PHACTR1: variants seen among roughly 807,000 people sequenced by gnomAD.
PHACTR1 encodes RPEL repeat containing 1.
PHACTR1 carries 16 observed loss-of-function variants against 69.2 expected under a neutral mutation model. That is an observed-to-expected ratio of 0.23 (90% CI 0.16 to 0.35). PHACTR1 has a LOEUF of 0.35. PHACTR1 is among the 10% of genes least tolerant of loss of function. The pLI is 1.00. For missense variants in PHACTR1, 510 were observed against 734.7 expected, an observed-to-expected ratio of 0.69 and a Z score of 3.54; for synonymous variants, 312 against 284.5, an observed-to-expected ratio of 1.10 and a Z score of -0.97.
intron 4 of PHACTR1, among the ~76,000 whole-genome samples, chr6:12,869,904 G>A (rs758795014): frequency 6.6e-6 from 1 of 152,144 alleles, no homozygotes; most frequent in Non-Finnish European, 1.5e-5. Context: ...TAGTTCCTGA[G>A]CTCTTACTCT....
In PHACTR1 at chr6:13,114,131, C is replaced by T. The variant is rs191942958; in HGVS notation, c.416-46073C>T. Reference sequence around the variant, plus strand: ...GGCTTCCCTGCCCCCCATTTCCCAGCCTCCCAGAAGCAGACTCGCTCTGAT... The same window carrying T: ...GGCTTCCCTGCCCCCCATTTCCCAGTCTCCCAGAAGCAGACTCGCTCTGAT... On this transcript the variant is annotated intron_variant, in intron 5 of 14. Coordinates refer to ENST00000332995, the MANE Select transcript of PHACTR1 (RefSeq NM_030948.6). Among the ~76,000 whole-genome samples, 716 of 152,298 alleles carry T rather than the reference C, an allele frequency of 4.7e-3. 8 individuals carry two copies. The highest frequency in any genetic ancestry group is 0.015 in the African/African-American group (628 of 41,570).
intron 4 of PHACTR1, among the ~76,000 whole-genome samples, chr6:12,934,664 C>A (rs1433971681): frequency 6.6e-6 from 1 of 151,914 alleles, no homozygotes; most frequent in South Asian, 2.1e-4. Context: ...GGTGAAACCC[C>A]GTCTCTAATA....
chr6:13,068,875 G>T (rs1809070749), intron 5 of PHACTR1, among the ~76,000 whole-genome samples: 2 of 152,108 alleles, frequency 1.3e-5, no homozygotes, highest in South Asian at 4.2e-4. Flanking sequence ...CAGAAGGCTC[G>T]AAAATAGAAG....
intron 4 of PHACTR1, among the ~76,000 whole-genome samples, chr6:12,828,528 A>G (rs1053173591): frequency 1.3e-5 from 2 of 152,148 alleles, no homozygotes; most frequent in Non-Finnish European, 2.9e-5. Context: ...GACTTGTAGT[A>G]TTTTAAATCC....
At chr6:13,159,668 A>T (rs1327454477) in intron 5 of PHACTR1, among the ~76,000 whole-genome samples, 1 of 152,238 alleles carries the variant, frequency 6.6e-6, no homozygotes, top group African/African-American at 2.4e-5. Flanking sequence ...TTGGCTGGGC[A>T]CAGTGGCTTA....
intron 10 of PHACTR1, among the ~76,000 whole-genome samples, chr6:13,249,789 C>T (rs1307150177): frequency 3.0e-5 from 4 of 134,918 alleles, no homozygotes; most frequent in Non-Finnish European, 6.1e-5. Flanking sequence ...ACAGAGAAAA[C>T]TCCGTCTCAA....
chr6:13,007,699 C>T (rs1257499488), intron 4 of PHACTR1, among the ~76,000 whole-genome samples: 1 of 147,564 alleles, frequency 6.8e-6, no homozygotes, highest in Admixed American at 6.8e-5. Context: ...GGTAGACTAC[C>T]CCAGCCCTCT....
At chr6:12,831,352 A>G (rs559796304) in intron 4 of PHACTR1, among the ~76,000 whole-genome samples, 1 of 152,352 alleles carries the variant, frequency 6.6e-6, no homozygotes, top group East Asian at 1.9e-4. Context: ...GAGAAAAATC[A>G]TCCAGACAAG....
chr6:12,900,787 A>G (rs942723575), intron 4 of PHACTR1, among the ~76,000 whole-genome samples: 4 of 152,092 alleles, frequency 2.6e-5, no homozygotes, highest in Admixed American at 6.5e-5. Flanking sequence ...TTTTTACTTT[A>G]TCTACTTTTC....
chr6:13,273,753 T>C (rs1490592869), intron 11 of PHACTR1: 1 of 152,278 alleles, frequency 6.6e-6, no homozygotes, highest in Non-Finnish European at 1.5e-5. Context: ...GGCCTCAAGA[T>C]AGTGAACAAA....
intron 8 of PHACTR1, among the ~76,000 whole-genome samples, chr6:13,224,108 T>C (rs1444943166): frequency 6.6e-6 from 1 of 152,262 alleles, no homozygotes; most frequent in East Asian, 1.9e-4. Flanking sequence ...AGACAATTAC[T>C]GAGCATCTAC....
chr6:13,003,478 TAA>T (rs1355780934), intron 4 of PHACTR1, among the ~76,000 whole-genome samples: 1 of 152,190 alleles, frequency 6.6e-6, no homozygotes, highest in Non-Finnish European at 1.5e-5. Context: ...ACTTCCAGTG[TAA>T]ATAGATAGAT....
At chr6:12,926,347 C>T (rs142951989) in intron 4 of PHACTR1, among the ~76,000 whole-genome samples, 34 of 152,326 alleles carry the variant, frequency 2.2e-4, no homozygotes, top group Admixed American at 3.9e-4. Context: ...ATGCTCTTCT[C>T]TTCTGGTTAC....
intron 4 of PHACTR1, among the ~76,000 whole-genome samples, chr6:12,936,709 G>C (rs1441554012): frequency 6.6e-6 from 1 of 152,240 alleles, no homozygotes; most frequent in Non-Finnish European, 1.5e-5. Context: ...GGCAGCAGGA[G>C]GACAAGGCAG....
chr6:12,788,075 G>A (rs1015331663), intron 4 of PHACTR1, among the ~76,000 whole-genome samples: 5 of 151,846 alleles, frequency 3.3e-5, no homozygotes, highest in East Asian at 1.9e-4. Flanking sequence ...GGAGGATAGC[G>A]TGAGTCTGGG....
chr6:13,019,717 G>A (rs1037849451), intron 4 of PHACTR1, among the ~76,000 whole-genome samples: 1 of 152,102 alleles, frequency 6.6e-6, no homozygotes, highest in Non-Finnish European at 1.5e-5. Flanking sequence ...ATCCTCATTT[G>A]TCTAAAGGAG....
At chr6:12,735,461 C>T (rs1276187086) in intron 3 of PHACTR1, among the ~76,000 whole-genome samples, 2 of 152,154 alleles carry the variant, frequency 1.3e-5, no homozygotes, top group African/African-American at 4.8e-5. Context: ...ACAATACAAA[C>T]GTTTTTACAG....
At chr6:12,992,827 C>G (rs138719396) in intron 4 of PHACTR1, among the ~76,000 whole-genome samples, 3 of 152,276 alleles carry the variant, frequency 2.0e-5, no homozygotes, top group Admixed American at 6.5e-5. Flanking sequence ...GGTTTATAGA[C>G]GAGCTTGAGA....
intron 7 of PHACTR1, among the ~76,000 whole-genome samples, chr6:13,196,948 T>C (rs1004246628): frequency 3.3e-5 from 5 of 152,164 alleles, no homozygotes; most frequent in African/African-American, 1.2e-4. Context: ...TTAAACACTC[T>C]CTGTTGTTTT....
Sources: allele counts gnomAD v4.1 joint callset (sites outside exome capture counted in the v4.1 genomes callset), GRCh38; gene constraint gnomAD v4.1.1; transcripts MANE v1.5; gene names NCBI Gene and HGNC (gene_info 2026-07-23, HGNC 2026-07-21).